PLAC8: variants seen among roughly 807,000 people sequenced by gnomAD.
PLAC8 encodes the protein placenta-specific gene 8 protein.
In PLAC8, 6 loss-of-function variants were observed where a neutral mutation model predicts 12.6. That is an observed-to-expected ratio of 0.48 (90% CI 0.26 to 0.94). The LOEUF (loss-of-function observed/expected upper bound fraction) is 0.94. Among genes scored for constraint, PLAC8 ranks in the 40% least tolerant of loss-of-function variants. The pLI, the probability that PLAC8 is intolerant of heterozygous loss-of-function variation, is 0.14. For missense variants in PLAC8, 122 were observed against 152.7 expected, an observed-to-expected ratio of 0.80 and a Z score of 1.06; for synonymous variants, 54 against 52.6, an observed-to-expected ratio of 1.03 and a Z score of -0.11.
At chr4:83,100,013 A>AC (rs1732051009) in intron 3 of PLAC8, among the ~76,000 whole-genome samples, 1 of 151,146 alleles carries the variant, frequency 6.6e-6, no homozygotes, top group African/African-American at 2.4e-5. Context: ...TCAAAAAAAA[A>AC]AAACAAAAAA....
At chr4:83,112,285 G>A (rs1732443780) in intron 1 of PLAC8, among the ~76,000 whole-genome samples, 1 of 150,762 alleles carries the variant, frequency 6.6e-6, no homozygotes, top group South Asian at 2.1e-4. Context: ...CAGTTAGTTT[G>A]TGTGAACATT....
chr4:83,096,053 T>C (rs566172274), intron 3 of PLAC8, among the ~76,000 whole-genome samples: 4 of 152,336 alleles, frequency 2.6e-5, no homozygotes, highest in African/African-American at 9.6e-5. Flanking sequence ...ACTATAATTT[T>C]AATCTTGTGG....
intron 3 of PLAC8, among the ~76,000 whole-genome samples, chr4:83,096,679 T>A (rs1172914655): frequency 3.9e-5 from 6 of 152,092 alleles, no homozygotes; most frequent in African/African-American, 1.4e-4. Flanking sequence ...GACATAGACA[T>A]ATAGAGTTTG....
chr4:83,114,145 C>T (rs2126145229), intron 1 of PLAC8, among the ~76,000 whole-genome samples: 1 of 151,928 alleles, frequency 6.6e-6, no homozygotes, highest in Non-Finnish European at 1.5e-5. Flanking sequence ...AATGAAGCAC[C>T]AGAATTTAAT....
chr4:83,108,918 T>C (rs146706200), intron 1 of PLAC8, among the ~76,000 whole-genome samples: 8 of 152,330 alleles, frequency 5.3e-5, no homozygotes, highest in Non-Finnish European at 1.2e-4. Context: ...TGACTTGTCC[T>C]TCACTTCATA....
At chr4:83,112,796 G>GA (rs1203562517) in intron 1 of PLAC8, among the ~76,000 whole-genome samples, 23 of 152,274 alleles carry the variant, frequency 1.5e-4, no homozygotes, top group African/African-American at 5.5e-4. Context: ...ATGTAAAATT[G>GA]TTGCTTGTTC....
intron 2 of PLAC8, 67 bp from the exon 3 acceptor site, chr4:83,105,087 T>G (rs553442557): frequency 1.0e-5 from 16 of 1,597,074 alleles, no homozygotes; most frequent in Admixed American, 1.7e-5. Context: ...AAGTTTAGCT[T>G]GCTTTCACAA....
intron 1 of PLAC8, among the ~76,000 whole-genome samples, chr4:83,112,491 G>GT (rs1024763939): frequency 6.6e-5 from 10 of 152,204 alleles, no homozygotes; most frequent in African/African-American, 2.4e-4. Flanking sequence ...TGATGCTATT[G>GT]TAAGTTCCTT....
intron 1 of PLAC8, among the ~76,000 whole-genome samples, chr4:83,114,353 A>G (rs1341982615): frequency 4.6e-5 from 7 of 152,344 alleles, no homozygotes; most frequent in South Asian, 2.1e-4. Flanking sequence ...GAGTGAAATT[A>G]ATGATCATGT....
At chr4:83,092,625 A>T (rs1377496183) in intron 4 of PLAC8, among the ~76,000 whole-genome samples, 1 of 152,052 alleles carries the variant, frequency 6.6e-6, no homozygotes. Flanking sequence ...TCATTAGCTT[A>T]GTATTCAGAC....
At chr4:83,091,362 A>G (rs1380229778) in intron 4 of PLAC8, among the ~76,000 whole-genome samples, 2 of 152,136 alleles carry the variant, frequency 1.3e-5, no homozygotes, top group African/African-American at 2.4e-5. Flanking sequence ...GACAGTTTTC[A>G]GGAGGAGTAG....
intron 3 of PLAC8, among the ~76,000 whole-genome samples, chr4:83,095,845 T>A (rs1299410214): frequency 6.6e-6 from 1 of 152,128 alleles, no homozygotes; most frequent in African/African-American, 2.4e-5. Context: ...AATAAAAAAA[T>A]TAAAGCTGCA....
chr4:83,114,438 A>G (rs1300466437), intron 1 of PLAC8, among the ~76,000 whole-genome samples: 3 of 152,334 alleles, frequency 2.0e-5, no homozygotes, highest in East Asian at 1.9e-4. Context: ...GGGATCTTAC[A>G]CTACTTTGAA....
chr4:83,107,938 TA>T lies in PLAC8; in HGVS notation c.-18del. On this transcript the variant is annotated 5_prime_UTR_variant, in exon 2 of 5. Transcript: ENST00000311507. The stretch of plus-strand genomic sequence containing the variant: ...AGCTTGCATTTTCAGTGCAGGGCCT[TA>T]AAAGCAGTGGACTGAAAAGGCAGAG... 1 of 1,316,610 alleles carries T rather than the reference TA, an allele frequency of 7.6e-7. No individual in the cohort carries two copies. Among genetic ancestry groups the T allele is most frequent in the Non-Finnish European group, 1.0e-6 (1 of 986,490 alleles). 81.6% of individuals were successfully genotyped at this position (1,316,610 alleles called of 1,614,324 possible).
At chr4:83,108,819 G>T (rs1006719891) in intron 1 of PLAC8, among the ~76,000 whole-genome samples, 3 of 152,266 alleles carry the variant, frequency 2.0e-5, no homozygotes, top group Non-Finnish European at 4.4e-5. Context: ...CTAAACTTTT[G>T]TGTATATCCC....
At position 83,094,739 on chromosome 4, in the gene PLAC8, A is replaced by G; in HGVS notation, c.296T>C (p.Leu99Pro). 2 of 1,606,958 alleles carry G rather than the reference A, an allele frequency of 1.2e-6. No homozygotes were observed. The highest frequency in any genetic ancestry group is 1.7e-6 in the Non-Finnish European group (2 of 1,178,158). Residue 99 changes from leucine (L) to proline (P), a missense_variant, in exon 4 of 5, where the codon CTT becomes CCT. Leu to Pro is a moderately conservative substitution (Grantham distance 98, BLOSUM62 -3). Coordinates refer to ENST00000311507, the MANE Select transcript of PLAC8 (RefSeq NM_016619.3). ...GTTGATATCTCTCTTGATTTGGCAA[A>G]GAGTACAATGAGGACAGCAAAGAGT... ...MATLCCPHCT[L>P]CQIKRDINRR... is the part of the protein sequence containing the mutation.
At chr4:83,100,885 A>T (rs945462132) in intron 3 of PLAC8, among the ~76,000 whole-genome samples, 6 of 152,232 alleles carry the variant, frequency 3.9e-5, no homozygotes, top group African/African-American at 1.4e-4. Flanking sequence ...TGCAGTGGAA[A>T]AGTTCTTGAA....
intron 3 of PLAC8, among the ~76,000 whole-genome samples, chr4:83,096,256 C>G (rs189883955): frequency 2.0e-5 from 3 of 152,312 alleles, no homozygotes; most frequent in Non-Finnish European, 4.4e-5. Flanking sequence ...AGATCTCTTT[C>G]ACTGTCTCAG....
At chr4:83,113,950 A>T (rs1036397133) in intron 1 of PLAC8, among the ~76,000 whole-genome samples, 1 of 150,862 alleles carries the variant, frequency 6.6e-6, no homozygotes, top group African/African-American at 2.4e-5. Context: ...ATACATTAAT[A>T]TTAATATAAT....
Sources: allele counts gnomAD v4.1 joint callset (sites outside exome capture counted in the v4.1 genomes callset), GRCh38; gene constraint gnomAD v4.1.1; transcripts MANE v1.5; gene names NCBI Gene and HGNC (gene_info 2026-07-23, HGNC 2026-07-21).